The following PTPRD variants were observed in gnomAD, a reference collection of about 807,000 sequenced individuals.
PTPRD encodes receptor-type tyrosine-protein phosphatase delta.
A neutral mutation model predicts 214.5 loss-of-function variants in PTPRD; 34 were observed. The ratio of observed to expected loss-of-function variants is 0.16; its 90% CI spans 0.12 to 0.21. PTPRD has a LOEUF of 0.21. PTPRD is among the 10% of genes least tolerant of loss of function. The pLI is 1.00. For synonymous variants in PTPRD, 1,128 were observed against 845.7 expected (o/e 1.33, Z -5.79); for missense variants, 2,545 against 2,398.7 (o/e 1.06, Z -1.27).
chr9:10,131,598 A>C (rs1330695852), intron 3 of PTPRD, among the ~76,000 whole-genome samples: 1 of 152,184 alleles, frequency 6.6e-6, no homozygotes, highest in Non-Finnish European at 1.5e-5. Flanking sequence ...TATGTATTAA[A>C]TACCTCCCAT....
chr9:9,358,494 T>G (rs146513251), intron 9 of PTPRD, among the ~76,000 whole-genome samples: 50 of 151,394 alleles, frequency 3.3e-4, no homozygotes, highest in African/African-American at 1.2e-3. Context: ...AAAAGCTGAT[T>G]TTAAATAATA....
At chr9:10,087,895 A>G (rs1188996805) in intron 3 of PTPRD, among the ~76,000 whole-genome samples, 1 of 151,756 alleles carries the variant, frequency 6.6e-6, no homozygotes, top group Non-Finnish European at 1.5e-5. Context: ...AATACTTCTC[A>G]TGTAAGCATA....
intron 24 of PTPRD, 149 bp from the exon 25 acceptor site, chr9:8,499,989 A>G (rs1169532604): frequency 3.9e-5 from 20 of 507,520 alleles, no homozygotes; most frequent in Admixed American, 8.3e-5. Context: ...TTTTCAACCA[A>G]TGAAAATGCT....
intron 10 of PTPRD, among the ~76,000 whole-genome samples, chr9:9,069,300 A>T (rs181961159): frequency 1.3e-5 from 2 of 152,356 alleles, no homozygotes; most frequent in East Asian, 3.9e-4. Flanking sequence ...AGAGCAGTAA[A>T]TACAAAAAAA....
At chr9:9,425,921 T>G (rs74688799) in intron 8 of PTPRD, among the ~76,000 whole-genome samples, 1 of 152,086 alleles carries the variant, frequency 6.6e-6, no homozygotes, top group South Asian at 2.1e-4. Context: ...AAAGAAACAC[T>G]GGGGGAGGTT....
rs758980154 is a variant in PTPRD at position 10,114,849 on chromosome 9, A to G, written c.-544-81059T>C. On this transcript the variant is annotated intron_variant, in intron 3 of 45. Coordinates refer to ENST00000381196, the MANE Select transcript of PTPRD (RefSeq NM_002839.4). ...TTCATGTTATAGTCCCAACTTTTAG[A>G]TCTCAAGTTCTACTTTAGAATATCA... Among the ~76,000 whole-genome samples, 74 of 152,036 alleles carry G rather than the reference A, an allele frequency of 4.9e-4. 1 individual carries two copies. Among genetic ancestry groups the G allele is most frequent in the Admixed American group, 3.3e-4 (5 of 15,254 alleles).
intron 5 of PTPRD, among the ~76,000 whole-genome samples, chr9:9,814,970 T>C (rs958577293): frequency 1.3e-5 from 2 of 151,698 alleles, no homozygotes; most frequent in African/African-American, 2.4e-5. Flanking sequence ...TGACTAATTT[T>C]TATATGGTCT....
chr9:8,747,658 G>A (rs916878792), intron 11 of PTPRD, among the ~76,000 whole-genome samples: 2 of 152,242 alleles, frequency 1.3e-5, no homozygotes, highest in African/African-American at 4.8e-5. Flanking sequence ...AGGACCTCAC[G>A]AGGACGTAGT....
At chr9:10,128,215 C>T (rs954706401) in intron 3 of PTPRD, among the ~76,000 whole-genome samples, 1 of 152,036 alleles carries the variant, frequency 6.6e-6, no homozygotes, top group African/African-American at 2.4e-5. Flanking sequence ...GAATTGTGTA[C>T]CCCAAATTAA....
At chr9:10,590,329 A>T (rs1294833228) in intron 2 of PTPRD, among the ~76,000 whole-genome samples, 1 of 152,042 alleles carries the variant, frequency 6.6e-6, no homozygotes, top group Admixed American at 6.6e-5. Flanking sequence ...AGCTTAATTG[A>T]GGTATAATTT....
At chr9:8,612,614 C>T (rs2095489397) in intron 14 of PTPRD, among the ~76,000 whole-genome samples, 1 of 152,200 alleles carries the variant, frequency 6.6e-6, no homozygotes. Flanking sequence ...TGAAAATCCA[C>T]ATGCTTCGAA....
chr9:8,791,889 A>T (rs2096250115), intron 11 of PTPRD, among the ~76,000 whole-genome samples: 1 of 152,174 alleles, frequency 6.6e-6, no homozygotes, highest in Admixed American at 6.5e-5. Flanking sequence ...ATGTGTTTTA[A>T]GGCCAGGGAA....
chr9:9,676,661 CA>C (rs1439140951), intron 7 of PTPRD, among the ~76,000 whole-genome samples: 2 of 152,116 alleles, frequency 1.3e-5, no homozygotes, highest in Non-Finnish European at 2.9e-5. Flanking sequence ...ATGGCTGGAT[CA>C]AATGGTATTT....
chr9:10,443,158 G>C lies in PTPRD; in HGVS notation c.-599-102141C>G, dbSNP rs377751544. Among the ~76,000 whole-genome samples, 119 of 150,998 alleles carry C rather than the reference G, an allele frequency of 7.9e-4. 1 individual carries two copies. Among genetic ancestry groups the C allele is most frequent in the African/African-American group, 2.8e-3 (116 of 41,272 alleles). ...AGAGATAGAGTCATGTGTTAATGTGGATTGTCTGAAATAAAGTCAGTTCAC... is the reference window on the plus strand; with the variant it reads ...AGAGATAGAGTCATGTGTTAATGTGCATTGTCTGAAATAAAGTCAGTTCAC... On this transcript the variant is annotated intron_variant, in intron 2 of 45. Transcript: ENST00000381196.
rs1157011059 is a variant in PTPRD at position 8,315,311 on chromosome 9, C to T, written c.*2563G>A. ...ATTTTCTTCTTCTGATTATTGTCAT[C>T]TTTCCCTTTGCCAAATGGGCAGTTA... On this transcript the variant is annotated 3_prime_UTR_variant, in exon 46 of 46. Coordinates refer to ENST00000381196, the MANE Select transcript of PTPRD (RefSeq NM_002839.4). The T allele has an allele frequency of 4.3e-6, 1 of 232,594 alleles. No individual in the cohort carries two copies. The highest frequency in any genetic ancestry group is 8.5e-6 in the Non-Finnish European group (1 of 117,442). 14.4% of individuals were successfully genotyped at this position (232,594 alleles called of 1,614,324 possible).
chr9:8,701,834 T>C (rs1278912319), intron 12 of PTPRD, among the ~76,000 whole-genome samples: 1 of 152,182 alleles, frequency 6.6e-6, no homozygotes, highest in South Asian at 2.1e-4. Context: ...GTATTCCATA[T>C]AAAAGTGAGG....
intron 11 of PTPRD, among the ~76,000 whole-genome samples, chr9:8,930,948 A>G (rs2098948290): frequency 6.6e-6 from 1 of 152,156 alleles, no homozygotes; most frequent in African/African-American, 2.4e-5. Context: ...TTTGCTGTGC[A>G]GAAGCTCTTT....
chr9:9,108,622 A>C (rs1408233445), intron 10 of PTPRD, among the ~76,000 whole-genome samples: 1 of 152,172 alleles, frequency 6.6e-6, no homozygotes, highest in Non-Finnish European at 1.5e-5. Context: ...ATGGAAAAAA[A>C]CAGTTGGAAA....
intron 5 of PTPRD, among the ~76,000 whole-genome samples, chr9:9,844,566 A>G (rs1195854584): frequency 6.6e-6 from 1 of 152,028 alleles, no homozygotes; most frequent in Non-Finnish European, 1.5e-5. Context: ...AACAAAAAAT[A>G]AAAGGAATTG....
Sources: allele counts gnomAD v4.1 joint callset (sites outside exome capture counted in the v4.1 genomes callset), GRCh38; gene constraint gnomAD v4.1.1; transcripts MANE v1.5; gene names NCBI Gene and HGNC (gene_info 2026-07-23, HGNC 2026-07-21).